KCNT2: variants seen among roughly 807,000 people sequenced by gnomAD.
The protein encoded by KCNT2 is potassium sodium-activated channel subfamily T member 2.
Under a neutral mutation model 153.8 loss-of-function variants are expected in KCNT2, and 67 were observed. The observed-to-expected ratio is 0.44, with a 90% CI of 0.36 to 0.53. The LOEUF (loss-of-function observed/expected upper bound fraction) is 0.53, where lower values mean the gene tolerates loss of function less well. KCNT2 is among the 20% of genes least tolerant of loss of function. The probability of loss-of-function intolerance (pLI) is 0.00; values close to 1 mark genes in which losing one functional copy is unlikely to be tolerated. For synonymous variants in KCNT2, 500 were observed against 458.8 expected, an observed-to-expected ratio of 1.09 and a Z score of -1.15; for missense variants, 975 against 1,354.8, an observed-to-expected ratio of 0.72 and a Z score of 4.40.
intron 22 of KCNT2, among the ~76,000 whole-genome samples, chr1:196,295,541 A>G (rs1442217792): frequency 6.6e-6 from 1 of 152,092 alleles, no homozygotes; most frequent in Non-Finnish European, 1.5e-5. Flanking sequence ...CAAAATGTCT[A>G]CAGAAACATT....
intron 5 of KCNT2, among the ~76,000 whole-genome samples, chr1:196,475,338 G>C (rs1678435805): frequency 6.6e-6 from 1 of 152,150 alleles, no homozygotes; most frequent in Non-Finnish European, 1.5e-5. Context: ...AACTTAGCCA[G>C]GCATGGTGGC....
intron 1 of KCNT2, among the ~76,000 whole-genome samples, chr1:196,595,556 C>T (rs1253592889): frequency 6.6e-6 from 1 of 152,110 alleles, no homozygotes; most frequent in Non-Finnish European, 1.5e-5. Flanking sequence ...AACGTTTGCA[C>T]ATAACTTAAT....
At chr1:196,366,918 T>C (rs1668091425) in intron 14 of KCNT2, among the ~76,000 whole-genome samples, 1 of 152,208 alleles carries the variant, frequency 6.6e-6, no homozygotes, top group East Asian at 1.9e-4. Flanking sequence ...ACTTTCCATA[T>C]AATATGATTG....
At chr1:196,547,509 A>G (rs540395824) in intron 1 of KCNT2, among the ~76,000 whole-genome samples, 120 of 152,118 alleles carry the variant, frequency 7.9e-4, no homozygotes, top group Non-Finnish European at 1.6e-3. Flanking sequence ...GTAAAGAAAC[A>G]TTTACTTCAA....
At chr1:196,597,062 ATAAAT>A (rs910079069) in intron 1 of KCNT2, among the ~76,000 whole-genome samples, 9 of 152,196 alleles carry the variant, frequency 5.9e-5, no homozygotes, top group African/African-American at 1.7e-4. Context: ...GAAAAAGAAA[ATAAAT>A]TAGTTAGTCC....
At chr1:196,388,415 A>C in intron 13 of KCNT2, among the ~76,000 whole-genome samples, 1 of 151,826 alleles carries the variant, frequency 6.6e-6, no homozygotes, top group East Asian at 1.9e-4. Context: ...ATTTAAAATA[A>C]GATTATTAAT....
chr1:196,280,343 G>A (rs1400670818), intron 25 of KCNT2, among the ~76,000 whole-genome samples: 2 of 152,136 alleles, frequency 1.3e-5, no homozygotes, highest in African/African-American at 2.4e-5. Context: ...TTTACTTTGG[G>A]AAGATCTGAC....
chr1:196,319,606 G>T, intron 19 of KCNT2, 51 bp from the exon 20 acceptor site: 1 of 1,188,920 alleles, frequency 8.4e-7, no homozygotes, highest in Non-Finnish European at 1.2e-6. Flanking sequence ...AACAGTGGCA[G>T]CACTTCTAGG....
chr1:196,379,603 C>G (rs1669301234), intron 13 of KCNT2, among the ~76,000 whole-genome samples: 1 of 131,326 alleles, frequency 7.6e-6, no homozygotes, highest in Non-Finnish European at 1.6e-5. Context: ...CTCTCTCTCT[C>G]TCTCTGTATA....
At chr1:196,480,855 C>CAAAAAAAAAAA (rs372270510) in intron 4 of KCNT2, among the ~76,000 whole-genome samples, 3 of 26,896 alleles carry the variant, frequency 1.1e-4, no homozygotes, top group East Asian at 1.8e-3. Context: ...GACTTCGTCT[C>CAAAAAAAAAAA]AAAAAAAAAA....
chr1:196,420,322 G>C (rs550372701), intron 12 of KCNT2, among the ~76,000 whole-genome samples: 4 of 151,706 alleles, frequency 2.6e-5, no homozygotes, highest in Non-Finnish European at 5.9e-5. Context: ...TCTATTTCCA[G>C]AACTATATGG....
chr1:196,350,463 A>G (rs1057368134), intron 14 of KCNT2, among the ~76,000 whole-genome samples: 13 of 152,082 alleles, frequency 8.5e-5, no homozygotes, highest in African/African-American at 2.9e-4. Context: ...GCCAGTGATG[A>G]TGAGCATTTT....
chr1:196,333,857 A>C lies in KCNT2; in HGVS notation c.1987T>G (p.Ser663Ala). Residue 663 changes from serine (S) to alanine (A), a missense_variant, in exon 17 of 28, where the codon TCA becomes GCA. This residue lies in a region of KCNT2 where 325 missense variants were observed against 388.1 expected (regional missense o/e 0.84). Transcript: ENST00000294725. Reference protein sequence around the residue: ...DETTPDEEMSSNLEYAKGYPP... With the variant: ...DETTPDEEMSANLEYAKGYPP... Reference sequence around the variant, plus strand: ...AGTATCTGAACATACTCTAAGTTTGAAGACATTTCTTCATCTGGTGTAGTT... The same window carrying C: ...AGTATCTGAACATACTCTAAGTTTGCAGACATTTCTTCATCTGGTGTAGTT... The C allele has an allele frequency of 6.2e-7, 1 of 1,602,764 alleles. No individual in the cohort carries two copies. The highest frequency in any genetic ancestry group is 8.5e-7 in the Non-Finnish European group (1 of 1,170,492).
At position 196,489,930 on chromosome 1, in the gene KCNT2, C is replaced by A; in HGVS notation, c.183G>T (p.Arg61Ser). Residue 61 changes from arginine (R) to serine (S), a missense_variant, in exon 3 of 28, where the codon AGG becomes AGT. Arg to Ser is a moderately radical substitution (Grantham distance 110, BLOSUM62 -1). Around this residue, in one of 6 missense-constraint regions of KCNT2, gnomAD observed 140 missense variants for 216.0 expected, o/e 0.65. Transcript: ENST00000294725. ...TGAGAGAAAAATTGAACAGGCGTAT[C>A]CTTAGACCTTTAAACAAATGATAAA... ...FFIKNQRSSL[R>S]IRLFNFSLKL... The A allele has an allele frequency of 1.3e-6, 2 of 1,491,610 alleles. No individual in the cohort carries two copies. Among genetic ancestry groups the A allele is most frequent in the Non-Finnish European group, 1.8e-6 (2 of 1,099,600 alleles). The allele number at this position is 1,491,610 out of a possible 1,614,324, so 92.4% of individuals were successfully genotyped here.
intron 13 of KCNT2, among the ~76,000 whole-genome samples, chr1:196,382,370 G>A (rs1669584653): frequency 1.3e-5 from 2 of 151,986 alleles, no homozygotes; most frequent in African/African-American, 4.8e-5. Flanking sequence ...GCCTCCCAAA[G>A]TGCTGGGATT....
At chr1:196,423,289 G>C (rs1381864540) in intron 11 of KCNT2, among the ~76,000 whole-genome samples, 176 bp from the exon 12 acceptor site, 1 of 151,148 alleles carries the variant, frequency 6.6e-6, no homozygotes, top group African/African-American at 2.4e-5. Context: ...ATCTGATTTT[G>C]AACAAAAAAA....
chr1:196,409,042 T>C (rs1295362285), intron 12 of KCNT2, among the ~76,000 whole-genome samples: 1 of 151,248 alleles, frequency 6.6e-6, no homozygotes, highest in Non-Finnish European at 1.5e-5. Flanking sequence ...GAGGGTTTTT[T>C]TTTATATGAA....
intron 1 of KCNT2, among the ~76,000 whole-genome samples, chr1:196,597,523 A>G (rs1051592693): frequency 6.6e-6 from 1 of 152,102 alleles, no homozygotes; most frequent in Non-Finnish European, 1.5e-5. Flanking sequence ...ATGATAGGAG[A>G]GTGGATAAGA....
At chr1:196,350,470 T>A (rs1666571752) in intron 14 of KCNT2, among the ~76,000 whole-genome samples, 1 of 152,196 alleles carries the variant, frequency 6.6e-6, no homozygotes, top group Admixed American at 6.5e-5. Flanking sequence ...ATGATGAGCA[T>A]TTTTTCATGT....
Sources: allele counts gnomAD v4.1 joint callset (sites outside exome capture counted in the v4.1 genomes callset), GRCh38; gene constraint gnomAD v4.1.1; regional missense constraint gnomAD v4.1.1; transcripts MANE v1.5; gene names NCBI Gene and HGNC (gene_info 2026-07-23, HGNC 2026-07-21).